Variants in SCAPER observed in about 807,000 individuals in gnomAD.
SCAPER encodes S phase cyclin A-associated protein in the endoplasmic reticulum.
A neutral mutation model predicts 182.2 loss-of-function variants in SCAPER; 98 were observed. That is an observed-to-expected ratio of 0.54 (90% CI 0.46 to 0.64). SCAPER has a LOEUF of 0.64. SCAPER is among the 30% of genes least tolerant of loss of function. SCAPER has a pLI of 0.00. For synonymous variants in SCAPER, 605 were observed against 564.6 expected (o/e 1.07, Z -1.01); for missense variants, 1,432 against 1,690.0 (o/e 0.85, Z 2.68).
In SCAPER at chr15:76,622,549, A is replaced by G. The variant is rs537350672; in HGVS notation, c.2646-720T>C. ...CTAAATTGGAATAAAATAAAAAAGT[A>G]CATATTTTTTCAACCTAAGTATGCT... On this transcript the variant is annotated intron_variant, in intron 21 of 31. Coordinates refer to ENST00000563290, the MANE Select transcript of SCAPER (RefSeq NM_020843.4). 2.0e-5 allele frequency among the ~76,000 whole-genome samples: 3 copies of G among 152,324 alleles called. No homozygotes were observed. The South Asian group carries it at 6.2e-4, about 32-fold the overall frequency.
chr15:76,796,861 C>A (rs535124913), intron 7 of SCAPER, among the ~76,000 whole-genome samples: 1 of 152,290 alleles, frequency 6.6e-6, no homozygotes, highest in East Asian at 1.9e-4. Flanking sequence ...CAAAGCCCAT[C>A]AACCTTTAAA....
At chr15:76,858,543 T>C (rs891998628) in intron 3 of SCAPER, among the ~76,000 whole-genome samples, 2 of 152,080 alleles carry the variant, frequency 1.3e-5, no homozygotes, top group Admixed American at 1.3e-4. Context: ...AGGGGTTTGG[T>C]GCACAGATTA....
chr15:76,498,321 T>C (rs1196781385), intron 24 of SCAPER: 1 of 152,204 alleles, frequency 6.6e-6, no homozygotes, highest in Non-Finnish European at 1.5e-5. Context: ...GATTAAGGAC[T>C]GGAAGCCCTA....
chr15:76,348,510 A>G lies in SCAPER; in HGVS notation c.*123T>C. 1 of 611,954 alleles carries G rather than the reference A, an allele frequency of 1.6e-6. No homozygotes were observed. Among genetic ancestry groups the G allele is most frequent in the East Asian group, 2.9e-5 (1 of 35,006 alleles). 37.9% of individuals were successfully genotyped at this position (611,954 alleles called of 1,614,324 possible). A position where few individuals can be genotyped will look rare whatever the true frequency, so the allele number is the denominator to read the frequency against. On this transcript the variant is annotated 3_prime_UTR_variant, in exon 32 of 32. Transcript: ENST00000563290. Reference sequence around the variant, plus strand: ...TTATAAATAGTGTAAAGTACATGCCATATCTACAGTGTGGGAAGAGTATAA... The same window carrying G: ...TTATAAATAGTGTAAAGTACATGCCGTATCTACAGTGTGGGAAGAGTATAA...
intron 7 of SCAPER, among the ~76,000 whole-genome samples, chr15:76,799,814 G>C (rs1940011797): frequency 6.6e-6 from 1 of 152,126 alleles, no homozygotes; most frequent in Non-Finnish European, 1.5e-5. Flanking sequence ...TCTTTTGGCT[G>C]TGGTAATAAA....
chr15:76,783,828 T>C (rs2064357985), intron 8 of SCAPER, among the ~76,000 whole-genome samples: 1 of 152,274 alleles, frequency 6.6e-6, no homozygotes, highest in South Asian at 2.1e-4. Context: ...TTGACAAAAT[T>C]CAACAGCACT....
intron 23 of SCAPER, among the ~76,000 whole-genome samples, chr15:76,556,351 C>G (rs560134620): frequency 5.3e-5 from 8 of 152,022 alleles, no homozygotes; most frequent in Admixed American, 1.3e-4. Flanking sequence ...AACCCAAAAG[C>G]TAGGAGAAAA....
intron 23 of SCAPER, among the ~76,000 whole-genome samples, chr15:76,554,928 G>A (rs559846689): frequency 9.2e-5 from 14 of 151,720 alleles, no homozygotes; most frequent in Non-Finnish European, 8.8e-5. Context: ...TTACAGGCAC[G>A]TGCCAACATG....
chr15:76,504,934 A>C lies in SCAPER; in HGVS notation c.2879T>G (p.Leu960Ter). ...TTGAAGGATGTGTTCAAGGGCTGTT[A>C]ATCCACCAGCAGCTTGAAATGCAAT... ...DQIAFQAAGG[L>*]TALEHILQAV... Residue 960 changes from leucine to a stop codon, truncating the protein, a stop_gained, in exon 24 of 32, where the codon TTA becomes TGA. Transcript: ENST00000563290. LOFTEE classifies it high-confidence loss of function. 2 of 1,613,068 alleles carry C rather than the reference A, an allele frequency of 1.2e-6. No individual in the cohort carries two copies. The highest frequency in any genetic ancestry group is 1.7e-6 in the Non-Finnish European group (2 of 1,179,602).
At chr15:76,807,285 T>C (rs952227782) in intron 5 of SCAPER, among the ~76,000 whole-genome samples, 1 of 152,226 alleles carries the variant, frequency 6.6e-6, no homozygotes, top group Non-Finnish European at 1.5e-5. Flanking sequence ...AAATGCCTTT[T>C]CTGCACCAAC....
At chr15:76,557,596 A>G (rs943640698) in intron 23 of SCAPER, among the ~76,000 whole-genome samples, 2 of 152,166 alleles carry the variant, frequency 1.3e-5, no homozygotes, top group Non-Finnish European at 2.9e-5. Context: ...TGCTTTGGCC[A>G]TGTGAAGTGC....
intron 21 of SCAPER, among the ~76,000 whole-genome samples, chr15:76,655,743 T>C (rs1298856167): frequency 1.3e-5 from 2 of 152,202 alleles, no homozygotes; most frequent in African/African-American, 4.8e-5. Context: ...CAGAAGAGAT[T>C]GGACGCTTAT....
rs34278755 is a variant in SCAPER, at chr15:76,634,851, T to TTGTG, written c.2646-13026_2646-13023dup. On this transcript the variant is annotated intron_variant, in intron 21 of 31. Transcript: ENST00000563290. ...GCACAGTAAAATTGGGTGTGGGTATTTGTGTGTGTGTGTGTGTGTGTATTA... is the reference window on the plus strand; with the variant it reads ...GCACAGTAAAATTGGGTGTGGGTATTTGTGTGTGTGTGTGTGTGTGTGTGTATTA... Among the ~76,000 whole-genome samples the TTGTG allele has an allele frequency of 3.1e-3, 466 of 150,080 alleles. 1 individual carries two copies. Among genetic ancestry groups the TTGTG allele is most frequent in the Middle Eastern group, 0.01 (3 of 286 alleles).
chr15:76,862,328 T>C (rs2151884713), intron 3 of SCAPER, 88 bp downstream of exon 3: 4 of 764,262 alleles, frequency 5.2e-6, no homozygotes, highest in East Asian at 5.6e-5. Flanking sequence ...AGAAGTCTAA[T>C]TGCAAACAGT....
chr15:76,579,484 T>A (rs1196573258), intron 22 of SCAPER, among the ~76,000 whole-genome samples: 3 of 150,230 alleles, frequency 2.0e-5, no homozygotes, highest in African/African-American at 7.3e-5. Context: ...TTATAAAATA[T>A]CAATTGCAAG....
At chr15:76,903,060 CAA>C (rs34255827) in intron 1 of SCAPER, among the ~76,000 whole-genome samples, 94 of 137,844 alleles carry the variant, frequency 6.8e-4, no homozygotes, top group Non-Finnish European at 7.5e-4. Flanking sequence ...GACTCGGTTT[CAA>C]AAAAAAAAAA....
intron 5 of SCAPER, among the ~76,000 whole-genome samples, chr15:76,826,926 A>T (rs963149947): frequency 1.3e-5 from 2 of 152,334 alleles, no homozygotes; most frequent in Non-Finnish European, 2.9e-5. Flanking sequence ...ATGATTTTTA[A>T]GATCACATTC....
intron 17 of SCAPER, among the ~76,000 whole-genome samples, chr15:76,718,049 T>C (rs2059985102): frequency 6.6e-6 from 1 of 152,092 alleles, no homozygotes; most frequent in Non-Finnish European, 1.5e-5. Flanking sequence ...CTTAACAAAT[T>C]TAAGAAGATT....
intron 22 of SCAPER, among the ~76,000 whole-genome samples, chr15:76,605,961 C>A (rs1020975351): frequency 5.3e-5 from 8 of 152,042 alleles, no homozygotes; most frequent in African/African-American, 1.9e-4. Flanking sequence ...CTGATCTTTT[C>A]GAAAAACCAG....
Sources: gnomAD v4.1 joint callset for allele counts (sites outside exome capture counted in the v4.1 genomes callset) on GRCh38, gnomAD v4.1.1 for gene constraint, MANE v1.5 for transcripts, NCBI Gene and HGNC (gene_info 2026-07-23, HGNC 2026-07-21) for gene names.